Variants in IGF2 observed in about 807,000 individuals in gnomAD.
IGF2 encodes insulin-like growth factor 2.
A neutral mutation model predicts 12.0 loss-of-function variants in IGF2; 2 were observed. That is an observed-to-expected ratio of 0.17 (90% CI 0.07 to 0.52). IGF2 has a LOEUF of 0.52. Among genes scored for constraint, IGF2 ranks in the 20% least tolerant of loss-of-function variants. IGF2 has a pLI of 0.95. For missense variants in IGF2, 211 were observed against 268.0 expected, an observed-to-expected ratio of 0.79 and a Z score of 1.48; for synonymous variants, 105 against 110.1, an observed-to-expected ratio of 0.95 and a Z score of 0.29.
At chr11:2,144,710 C>A (rs1859808994), upstream of IGF2, among the ~76,000 whole-genome samples, 1 of 152,124 alleles carries the variant, frequency 6.6e-6, no homozygotes, top group African/African-American at 2.4e-5. Context: ...AACAAGGTCA[C>A]CCCTTGGCGT....
chr11:2,135,953 G>A (rs868201880), intron 1 of IGF2, among the ~76,000 whole-genome samples: 2 of 152,122 alleles, frequency 1.3e-5, no homozygotes, highest in Non-Finnish European at 1.5e-5. Flanking sequence ...GGCCTCCAGC[G>A]CCAGCCAAGA....
chr11:2,132,662 G>T lies in IGF2; in HGVS notation c.*325C>A, dbSNP rs1034839159. On this transcript the variant is annotated 3_prime_UTR_variant, in exon 4 of 4. Coordinates refer to ENST00000416167, the MANE Select transcript of IGF2 (RefSeq NM_000612.6). The stretch of plus-strand genomic sequence containing the variant: ...TAGTTTTAAGAGGGTTGTTGTGGGG[G>T]GGGGGGAAGGGGGTTAGTTTAATGT... 525 of 212,060 alleles carry T rather than the reference G, an allele frequency of 2.5e-3. 4 individuals carry two copies. The highest frequency in any genetic ancestry group is 3.4e-3 in the Non-Finnish European group (376 of 109,300). The allele number at this position is 212,060 out of a possible 1,614,324, so 13.1% of individuals were successfully genotyped here. A position where few individuals can be genotyped will look rare whatever the true frequency, so the allele number is the denominator to read the frequency against.
Position 2,129,315 on chromosome 11 carries a change from G to C in IGF2, c.*3672C>G. ...GTCTTCAGGTGATGGCAGAGGAGGGGACCCAAGAGGGGGCCCCCCACTGAA... is the reference window on the plus strand; with the variant it reads ...GTCTTCAGGTGATGGCAGAGGAGGGCACCCAAGAGGGGGCCCCCCACTGAA... On this transcript the variant is annotated 3_prime_UTR_variant, in exon 4 of 4. Transcript: ENST00000416167. The surrounding 1 kb of genome is among the most constrained non-coding windows in gnomAD (Gnocchi z 8.1). The C allele has an allele frequency of 4.6e-6, 1 of 216,414 alleles. No individual in the cohort carries two copies. The highest frequency in any genetic ancestry group is 9.3e-6 in the Non-Finnish European group (1 of 107,356). The allele number at this position is 216,414 out of a possible 1,614,324, so 13.4% of individuals were successfully genotyped here.
the IGF2 span, chr11:2,146,275 C>A: frequency 3.7e-6 from 2 of 534,914 alleles, no homozygotes; most frequent in East Asian, 1.1e-4. Context: ...CTCCGCCGTC[C>A]GTGGGACCAA....
upstream of IGF2, among the ~76,000 whole-genome samples, chr11:2,141,755 C>T (rs1859613834): frequency 2.0e-5 from 3 of 152,118 alleles, no homozygotes; most frequent in Admixed American, 6.6e-5. Context: ...TTTTAACACC[C>T]TTCAGAGATG....
At chr11:2,136,939 C>T (rs1859103676) in intron 1 of IGF2, among the ~76,000 whole-genome samples, 2 of 152,200 alleles carry the variant, frequency 1.3e-5, no homozygotes, top group South Asian at 4.1e-4. Context: ...AGGTGAGGGC[C>T]CAGGAAAAGT....
At chr11:2,148,075 G>A in the IGF2 span, 1 of 356,148 alleles carries the variant, frequency 2.8e-6, no homozygotes. This position sits in a 1 kb window ranked among gnomAD's most constrained non-coding sequence, Gnocchi z 4.3. Context: ...CCCTTCTGTT[G>A]GACAGGCTGC....
At chr11:2,148,874 T>C in the IGF2 span, 11 of 548,670 alleles carry the variant, frequency 2.0e-5, no homozygotes, top group Non-Finnish European at 3.2e-5. This position sits in a 1 kb window ranked among gnomAD's most constrained non-coding sequence, Gnocchi z 4.3. Context: ...AAACCTATTT[T>C]CCTTGCAAAA....
chr11:2,137,609 G>C (rs561171631), intron 1 of IGF2, among the ~76,000 whole-genome samples: 9 of 151,908 alleles, frequency 5.9e-5, no homozygotes, highest in African/African-American at 9.7e-5. Flanking sequence ...GCCTCTCTCC[G>C]GGTCGAAGGC....
At chr11:2,137,855 C>T (rs1223067502) in intron 1 of IGF2, among the ~76,000 whole-genome samples, 1 of 152,188 alleles carries the variant, frequency 6.6e-6, no homozygotes, top group Non-Finnish European at 1.5e-5. Context: ...CGGCTCCGCG[C>T]CCCTCCTCGT....
At position 2,130,479 on chromosome 11, in the gene IGF2, C is replaced by T. The variant is rs1353000937; in HGVS notation, c.*2508G>A. 4.4e-6 allele frequency: 1 copy of T among 226,694 alleles called. No individual in the cohort carries two copies. Among genetic ancestry groups the T allele is most frequent in the Non-Finnish European group, 8.7e-6 (1 of 114,408 alleles). 14.0% of individuals were successfully genotyped at this position (226,694 alleles called of 1,614,324 possible). On this transcript the variant is annotated 3_prime_UTR_variant, in exon 4 of 4. Coordinates refer to ENST00000416167, the MANE Select transcript of IGF2 (RefSeq NM_000612.6). ...GGCGGGGGGCAGGACGTGGTGGTCT[C>T]CAGGCTGGCTTCGTGCGTTCTTGCT...
upstream of IGF2, chr11:2,139,497 C>T (rs990217788): frequency 6.8e-6 from 1 of 146,432 alleles, no homozygotes; most frequent in African/African-American, 2.5e-5. Context: ...CCCGCGGAGC[C>T]CTCGCCCCGC....
the IGF2 span, chr11:2,149,148 TC>T: frequency 6.2e-7 from 1 of 1,613,188 alleles, no homozygotes; most frequent in South Asian, 1.1e-5. Context: ...CCCTGCGCAG[TC>T]CCCGCAGCTC....
At chr11:2,135,287 C>G in intron 2 of IGF2, 80 bp downstream of exon 2, 1 of 1,312,188 alleles carries the variant, frequency 7.6e-7, no homozygotes, top group Non-Finnish European at 1.0e-6. Context: ...GAGTGTGCTC[C>G]CCTGGCTTGA....
chr11:2,133,738 A>G lies in IGF2; in HGVS notation c.158-73T>C. 1 of 1,564,130 alleles carries G rather than the reference A, an allele frequency of 6.4e-7. No individual in the cohort carries two copies. The highest frequency in any genetic ancestry group is 8.7e-7 in the Non-Finnish European group (1 of 1,149,592). ...CCCAGCCCCCGGAGGCTGAAGGGGG[A>G]GCAAACCACCCCTGCCCTCAGGCCA... On this transcript the variant is annotated intron_variant, in intron 2 of 3. Transcript: ENST00000416167. This position sits in a 1 kb window ranked among gnomAD's most constrained non-coding sequence, Gnocchi z 8.9.
Position 2,138,626 on chromosome 11 carries a change from G to A in IGF2, c.-404C>T, listed in dbSNP as rs1859282834. The A allele has an allele frequency of 1.0e-6, 1 of 981,872 alleles. No individual in the cohort carries two copies. Among genetic ancestry groups the A allele is most frequent in the Non-Finnish European group, 1.2e-6 (1 of 828,986 alleles). 60.8% of individuals were successfully genotyped at this position (981,872 alleles called of 1,614,324 possible). On this transcript the variant is annotated 5_prime_UTR_variant, in exon 1 of 4. Coordinates refer to ENST00000416167, the MANE Select transcript of IGF2 (RefSeq NM_000612.6). ...CGAGAGGCGGGCAGGCGCACAGCGGGAGAGAACAGCACGGAGAGAAACAGA... is the reference window on the plus strand; with the variant it reads ...CGAGAGGCGGGCAGGCGCACAGCGGAAGAGAACAGCACGGAGAGAAACAGA...
chr11:2,138,478 A>T lies in IGF2; in HGVS notation c.-256T>A, dbSNP rs1338074545. 3.1e-5 allele frequency: 28 copies of T among 894,200 alleles called. No homozygotes were observed. Among genetic ancestry groups the T allele is most frequent in the Non-Finnish European group, 6.5e-6 (5 of 767,906 alleles). 55.4% of individuals were successfully genotyped at this position (894,200 alleles called of 1,614,324 possible). On this transcript the variant is annotated 5_prime_UTR_variant, in exon 1 of 4. Coordinates refer to ENST00000416167, the MANE Select transcript of IGF2 (RefSeq NM_000612.6). ...CCAGATGTTGTACTTTTCGGGGGGG[A>T]AAAGGTATCGGGAAATGAGGTCAGC...
At chr11:2,146,772 C>T in the IGF2 span, 1 of 223,492 alleles carries the variant, frequency 4.5e-6, no homozygotes, top group South Asian at 5.6e-5. Context: ...ACAGGGACTC[C>T]AATCCATGTG....
chr11:2,145,575 C>G (rs12295043), upstream of IGF2, among the ~76,000 whole-genome samples: 68 of 152,206 alleles, frequency 4.5e-4, no homozygotes, highest in Non-Finnish European at 8.1e-4. Context: ...TCTGCCCTGC[C>G]GAGGTGCCTT....
Sources: allele counts gnomAD v4.1 joint callset (sites outside exome capture counted in the v4.1 genomes callset), GRCh38; gene constraint gnomAD v4.1.1; non-coding constraint Gnocchi (gnomAD v3.1); transcripts MANE v1.5; gene names NCBI Gene and HGNC (gene_info 2026-07-23, HGNC 2026-07-21).